The following XPA variants were observed in gnomAD, a reference collection of about 807,000 sequenced individuals.
XPA encodes XPA, DNA damage recognition and repair factor, also known as DNA repair protein complementing XP-A cells.
A neutral mutation model predicts 35.7 loss-of-function variants in XPA; 27 were observed. The observed-to-expected ratio is 0.76, with a 90% confidence interval of 0.56 to 1.04. The LOEUF is 1.04. Among genes scored for constraint, XPA ranks in the 50% least tolerant of loss-of-function variants. The pLI is 0.00. For missense variants in XPA, 354 were observed against 342.7 expected (o/e 1.03, Z -0.26); for synonymous variants, 133 against 118.4 (o/e 1.12, Z -0.80).
At chr9:97,690,633 A>G (rs1564048381) in intron 2 of XPA, among the ~76,000 whole-genome samples, 3 of 151,890 alleles carry the variant, frequency 2.0e-5, no homozygotes, top group African/African-American at 7.2e-5. Context: ...TGATCCACCC[A>G]CCTCAGCCTC....
intron 5 of XPA, among the ~76,000 whole-genome samples, chr9:97,677,689 G>T (rs1828409375): frequency 6.6e-6 from 1 of 151,684 alleles, no homozygotes; most frequent in Non-Finnish European, 1.5e-5. Context: ...GAGCAAGACT[G>T]TCTCAAAGAA....
At chr9:97,684,060 T>C (rs1351675417) in intron 5 of XPA, among the ~76,000 whole-genome samples, 1 of 141,082 alleles carries the variant, frequency 7.1e-6, no homozygotes, top group Non-Finnish European at 1.5e-5. Flanking sequence ...TTAAGACTCT[T>C]TTAGGGATTC....
At position 97,675,049 on chromosome 9, in the gene XPA, A is replaced by G. The variant is rs1459261989; in HGVS notation, c.*390T>C. The G allele has an allele frequency of 1.1e-5, 6 of 531,720 alleles. No individual in the cohort carries two copies. The highest frequency in any genetic ancestry group is 2.2e-5 in the Non-Finnish European group (6 of 275,076). The allele number at this position is 531,720 out of a possible 1,614,324, so 32.9% of individuals were successfully genotyped here. A position where few individuals can be genotyped will look rare whatever the true frequency, so the allele number is the denominator to read the frequency against. The stretch of plus-strand genomic sequence containing the variant: ...ACCTGGGGTACAGTGGTGCACCACC[A>G]TTGCTATTATTTGTTTCTTGGTTAA... On this transcript the variant is annotated 3_prime_UTR_variant, in exon 6 of 6. Coordinates refer to ENST00000375128, the MANE Select transcript of XPA (RefSeq NM_000380.4).
chr9:97,682,168 T>A (rs1421152021), intron 5 of XPA: 1 of 413,850 alleles, frequency 2.4e-6, no homozygotes, highest in Admixed American at 3.0e-5. Context: ...TAGAAGATCA[T>A]ATTCTCAAAG....
At position 97,696,594 on chromosome 9, in the gene XPA, CT is replaced by C. The variant is rs370600559; in HGVS notation, c.172+526del. Reference sequence around the variant, plus strand: ...CCTCTCCTCCACATAAGTAAGCGTTCTTCCAGTTCCTATTTGAGCGCTTCTA... The same window carrying C: ...CCTCTCCTCCACATAAGTAAGCGTTCTCCAGTTCCTATTTGAGCGCTTCTA... On this transcript the variant is annotated intron_variant, in intron 1 of 5. Transcript: ENST00000375128. 1.5e-3 allele frequency among the ~76,000 whole-genome samples: 230 copies of C among 152,282 alleles called. 1 individual carries two copies. Among genetic ancestry groups the C allele is most frequent in the African/African-American group, 5.4e-3 (225 of 41,556 alleles).
chr9:97,695,746 C>T (rs1000909949), intron 1 of XPA, among the ~76,000 whole-genome samples: 3 of 152,094 alleles, frequency 2.0e-5, no homozygotes, highest in Non-Finnish European at 4.4e-5. Context: ...TTGTATAGTA[C>T]CATGAAATAA....
chr9:97,656,880 C>A, the XPA span, among the ~76,000 whole-genome samples: 3 of 152,192 alleles, frequency 2.0e-5, no homozygotes, highest in African/African-American at 7.2e-5. Context: ...GTGGTACAAT[C>A]CTACCACATA....
rs2131412080 is a variant in XPA at position 97,697,333 on chromosome 9, CG to C, written c.-42del. ...AGGACCTAGCTCCCAGCTCCACGCACGCGCACTGCACGCCGAGGCGAGCCAG... is the reference window on the plus strand; with the variant it reads ...AGGACCTAGCTCCCAGCTCCACGCACCGCACTGCACGCCGAGGCGAGCCAG... On this transcript the variant is annotated 5_prime_UTR_variant, in exon 1 of 6. Transcript: ENST00000375128. The C allele has an allele frequency of 3.1e-6, 5 of 1,595,262 alleles. No homozygotes were observed. In the East Asian group the frequency reaches 1.1e-4, roughly 36 times the overall value.
At chr9:97,696,159 G>A (rs1385991329) in intron 1 of XPA, among the ~76,000 whole-genome samples, 1 of 152,196 alleles carries the variant, frequency 6.6e-6, no homozygotes, top group African/African-American at 2.4e-5. Flanking sequence ...CATGCTGCCA[G>A]CCTCAGACTC....
chr9:97,665,744 G>A, the XPA span, among the ~76,000 whole-genome samples: 2 of 151,954 alleles, frequency 1.3e-5, no homozygotes, highest in African/African-American at 4.8e-5. Flanking sequence ...TAGAGACACC[G>A]ACTTCGCCCC....
At position 97,675,416 on chromosome 9, in the gene XPA, A is replaced by AAAC; in HGVS notation, c.*20_*22dup. The AAAC allele has an allele frequency of 6.2e-7, 1 of 1,609,060 alleles. No homozygotes were observed. Among genetic ancestry groups the AAAC allele is most frequent in the East Asian group, 2.2e-5 (1 of 44,846 alleles). On this transcript the variant is annotated 3_prime_UTR_variant, in exon 6 of 6. Transcript: ENST00000375128. ...CTTTATTTAAATATAAAATTCTATAAAACAGGTCACTGAACTAAAAAATCA... is the reference window on the plus strand; with the variant it reads ...CTTTATTTAAATATAAAATTCTATAAAACAACAGGTCACTGAACTAAAAAATCA...
At chr9:97,656,936 A>G in the XPA span, among the ~76,000 whole-genome samples, 1 of 152,074 alleles carries the variant, frequency 6.6e-6, no homozygotes, top group Non-Finnish European at 1.5e-5. Context: ...CAACACCTGT[A>G]TTTCCTGTCT....
downstream of XPA, chr9:97,671,717 C>A (rs1346292391): frequency 2.0e-5 from 3 of 152,196 alleles, no homozygotes; most frequent in East Asian, 5.8e-4. Context: ...GAAATTTTAT[C>A]TTCAAAGTAT....
intron 4 of XPA, among the ~76,000 whole-genome samples, chr9:97,685,684 T>C (rs560421165): frequency 6.6e-6 from 1 of 152,336 alleles, no homozygotes; most frequent in East Asian, 1.9e-4. Context: ...ACCATAATAT[T>C]AATCAGCATA....
the XPA span, chr9:97,658,673 T>G: frequency 6.2e-7 from 1 of 1,613,144 alleles, no homozygotes; most frequent in Non-Finnish European, 8.5e-7. Flanking sequence ...TAGATATTGT[T>G]CCTCCTACCT....
intron 3 of XPA, among the ~76,000 whole-genome samples, chr9:97,689,252 T>TAA (rs900531169): frequency 2.0e-5 from 3 of 151,240 alleles, no homozygotes; most frequent in Non-Finnish European, 4.4e-5. Flanking sequence ...TGAGAGACGT[T>TAA]AAAAAACAAA....
chr9:97,657,926 ATTTTTTTTT>A, the XPA span, among the ~76,000 whole-genome samples: 1,302 of 91,352 alleles, frequency 0.014, 41 homozygotes, highest in African/African-American at 0.049. Context: ...ATATATATAT[ATTTTTTTTT>A]TTTTTTTTAA....
chr9:97,666,773 T>C, the XPA span: 2 of 1,594,704 alleles, frequency 1.3e-6, no homozygotes. Flanking sequence ...ATTGTTTGTT[T>C]GGGAAATTTT....
the XPA span, chr9:97,661,055 G>A: frequency 6.2e-7 from 1 of 1,612,276 alleles, no homozygotes; most frequent in Non-Finnish European, 8.5e-7. Context: ...ATCCTAACCA[G>A]GATGATGACG....
Sources: allele counts gnomAD v4.1 joint callset (sites outside exome capture counted in the v4.1 genomes callset), GRCh38; gene constraint gnomAD v4.1.1; transcripts MANE v1.5; gene names NCBI Gene and HGNC (gene_info 2026-07-23, HGNC 2026-07-21).